The following CELF4 variants were observed in gnomAD, a reference collection of about 807,000 sequenced individuals.
CELF4 encodes CUGBP Elav-like family member 4, also known as CUG-BP- and ETR-3-like factor 4.
In CELF4, 18 loss-of-function variants were observed where a neutral mutation model predicts 59.9. The observed-to-expected ratio is 0.30, with a 90% CI of 0.21 to 0.45. The LOEUF (loss-of-function observed/expected upper bound fraction) is 0.45, where lower values mean the gene tolerates loss of function less well. Among genes scored for constraint, CELF4 ranks in the 20% least tolerant of loss-of-function variants. The pLI, the probability that CELF4 is intolerant of heterozygous loss-of-function variation, is 1.00. For missense variants in CELF4, 456 were observed against 689.0 expected, an observed-to-expected ratio of 0.66 and a Z score of 3.79; for synonymous variants, 261 against 267.1, an observed-to-expected ratio of 0.98 and a Z score of 0.22.
At chr18:37,381,222 C>T (rs1294483489) in intron 2 of CELF4, among the ~76,000 whole-genome samples, 1 of 152,170 alleles carries the variant, frequency 6.6e-6, no homozygotes, top group Non-Finnish European at 1.5e-5. Context: ...TACACTAGTA[C>T]TGGAATAAGG....
At chr18:37,418,149 T>C (rs1200890465) in intron 2 of CELF4, among the ~76,000 whole-genome samples, 1 of 152,184 alleles carries the variant, frequency 6.6e-6, no homozygotes, top group African/African-American at 2.4e-5. Flanking sequence ...CCCCACCAAG[T>C]TGGAAATCCA....
chr18:37,364,606 C>T (rs546091434), intron 2 of CELF4, among the ~76,000 whole-genome samples: 3 of 152,358 alleles, frequency 2.0e-5, no homozygotes, highest in South Asian at 4.1e-4. Flanking sequence ...CCGAACTCAG[C>T]AGTGCATACT....
chr18:37,332,107 C>A (rs1274364990), intron 2 of CELF4, among the ~76,000 whole-genome samples: 2 of 152,166 alleles, frequency 1.3e-5, no homozygotes, highest in Non-Finnish European at 2.9e-5. Flanking sequence ...ACCAGCAGAA[C>A]CTTGGCACCA....
intron 1 of CELF4, among the ~76,000 whole-genome samples, chr18:37,487,307 A>G (rs1348761988): frequency 6.6e-6 from 1 of 152,196 alleles, no homozygotes; most frequent in Admixed American, 6.5e-5. Flanking sequence ...TATTTGTGAA[A>G]GGAACGGAGA....
At chr18:37,251,269 C>A (rs2065288331) in intron 12 of CELF4, among the ~76,000 whole-genome samples, 1 of 152,142 alleles carries the variant, frequency 6.6e-6, no homozygotes, top group Admixed American at 6.5e-5. Flanking sequence ...GGGTTCTAAT[C>A]TTTCTGCCCT....
intron 2 of CELF4, among the ~76,000 whole-genome samples, chr18:37,399,437 C>T (rs2099294002): frequency 6.6e-6 from 1 of 152,170 alleles, no homozygotes; most frequent in Admixed American, 6.5e-5. Flanking sequence ...GACTTCTCAG[C>T]CTCTCCACTG....
intron 1 of CELF4, among the ~76,000 whole-genome samples, chr18:37,513,478 G>C (rs1001842206): frequency 6.6e-6 from 1 of 152,172 alleles, no homozygotes; most frequent in Admixed American, 6.5e-5. Flanking sequence ...GTTTCCTCTG[G>C]TCTGAGCTTT....
chr18:37,315,315 C>T lies in CELF4; in HGVS notation c.448+6488G>A, dbSNP rs111354792. ...AGAGGCAGACACAGGCCCAGAAACA[C>T]AGACAAGATGAGCACGGGCAGGTGG... On this transcript the variant is annotated intron_variant, in intron 3 of 12. Transcript: ENST00000420428. Among the ~76,000 whole-genome samples the T allele has an allele frequency of 2.8e-3, 433 of 152,264 alleles. 3 individuals carry two copies. The highest frequency in any genetic ancestry group is 9.8e-3 in the African/African-American group (409 of 41,554).
At chr18:37,529,765 C>T (rs914872016) in intron 1 of CELF4, among the ~76,000 whole-genome samples, 33 of 152,178 alleles carry the variant, frequency 2.2e-4, no homozygotes, top group Admixed American at 2.2e-3. Flanking sequence ...CAACCAGCTA[C>T]CACTCAACAG....
At chr18:37,500,386 G>T (rs974855586) in intron 1 of CELF4, among the ~76,000 whole-genome samples, 1 of 152,144 alleles carries the variant, frequency 6.6e-6, no homozygotes, top group Non-Finnish European at 1.5e-5. Flanking sequence ...CCAGACCCAG[G>T]CTTAGTGAGC....
intron 2 of CELF4, among the ~76,000 whole-genome samples, chr18:37,417,647 T>C (rs2154593227): frequency 6.6e-6 from 1 of 152,248 alleles, no homozygotes; most frequent in South Asian, 2.1e-4. Context: ...AAAGTGCTGC[T>C]CCAGGGCCCA....
At chr18:37,481,300 T>G (rs531910361) in intron 2 of CELF4, among the ~76,000 whole-genome samples, 1 of 152,176 alleles carries the variant, frequency 6.6e-6, no homozygotes, top group Admixed American at 6.5e-5. Context: ...TAATTCCCAC[T>G]GCTTCCTTGC....
At chr18:37,419,363 GA>G (rs1357160651) in intron 2 of CELF4, among the ~76,000 whole-genome samples, 17 of 152,206 alleles carry the variant, frequency 1.1e-4, no homozygotes, top group Non-Finnish European at 2.1e-4. Context: ...GTTCTACTTG[GA>G]GAACCACTGG....
chr18:37,414,498 C>A (rs796954919), intron 2 of CELF4, among the ~76,000 whole-genome samples: 1 of 66,120 alleles, frequency 1.5e-5, no homozygotes, highest in African/African-American at 4.4e-5. Context: ...TTTTTCTTTT[C>A]TTTTCTTTTT....
At chr18:37,508,036 G>A (rs965852839) in intron 1 of CELF4, among the ~76,000 whole-genome samples, 1 of 152,066 alleles carries the variant, frequency 6.6e-6, no homozygotes, top group African/African-American at 2.4e-5. Context: ...GCCATCACTC[G>A]CCAAGTTTGT....
intron 1 of CELF4, among the ~76,000 whole-genome samples, chr18:37,494,323 A>G (rs561555830): frequency 1.3e-5 from 2 of 152,252 alleles, no homozygotes; most frequent in South Asian, 2.1e-4. Flanking sequence ...TCCTCCATCT[A>G]TGGTCAGGGC....
At chr18:37,441,122 C>T (rs1264350995) in intron 2 of CELF4, among the ~76,000 whole-genome samples, 1 of 152,172 alleles carries the variant, frequency 6.6e-6, no homozygotes, top group African/African-American at 2.4e-5. Context: ...TCTGGACATC[C>T]ACTGAAGGAA....
chr18:37,420,476 C>T (rs974666875), intron 2 of CELF4, among the ~76,000 whole-genome samples: 3 of 152,044 alleles, frequency 2.0e-5, no homozygotes, highest in Non-Finnish European at 2.9e-5. Flanking sequence ...AACTGGGTGG[C>T]GAGAGAGGGA....
chr18:37,330,026 T>A (rs1007374137), intron 2 of CELF4, among the ~76,000 whole-genome samples: 1 of 152,158 alleles, frequency 6.6e-6, no homozygotes, highest in Non-Finnish European at 1.5e-5. Flanking sequence ...AAGATAAGCT[T>A]TGTGCAATTT....
Sources: gnomAD v4.1 joint callset for allele counts (sites outside exome capture counted in the v4.1 genomes callset) on GRCh38, gnomAD v4.1.1 for gene constraint, MANE v1.5 for transcripts, NCBI Gene and HGNC (gene_info 2026-07-23, HGNC 2026-07-21) for gene names.